The following RFC3 variants were observed in gnomAD, a reference collection of about 807,000 sequenced individuals.
The protein encoded by RFC3 is A1 38 kDa subunit.
RFC3 carries 41 observed loss-of-function variants against 45.1 expected under a neutral mutation model. That is an observed-to-expected ratio of 0.91 (90% CI 0.71 to 1.18). The LOEUF (loss-of-function observed/expected upper bound fraction) is 1.18, where lower values mean the gene tolerates loss of function less well. Among genes scored for constraint, RFC3 ranks in the 50% most tolerant of loss-of-function variants. The pLI, the probability that RFC3 is intolerant of heterozygous loss-of-function variation, is 0.00. For missense variants in RFC3, 423 were observed against 428.1 expected (o/e 0.99, Z 0.10); for synonymous variants, 149 against 144.0 (o/e 1.03, Z -0.25).
chr13:33,921,501 C>T (rs776992835), intron 8 of RFC3, among the ~76,000 whole-genome samples: 2 of 152,170 alleles, frequency 1.3e-5, no homozygotes, highest in Non-Finnish European at 2.9e-5. Context: ...GGAAGGGTCT[C>T]AACCCCTGCA....
At chr13:33,921,631 G>A (rs1024658495) in intron 8 of RFC3, among the ~76,000 whole-genome samples, 2 of 152,060 alleles carry the variant, frequency 1.3e-5, no homozygotes, top group Admixed American at 6.6e-5. Flanking sequence ...ACACCACTGA[G>A]GGTCCCTGAT....
At chr13:33,839,691 T>C (rs546767005), downstream of RFC3, among the ~76,000 whole-genome samples, 5 of 152,352 alleles carry the variant, frequency 3.3e-5, no homozygotes, top group East Asian at 3.8e-4. Flanking sequence ...CATCCACTGA[T>C]TGATTTCTTC....
At chr13:33,940,437 T>C (rs554834493) in intron 8 of RFC3, among the ~76,000 whole-genome samples, 1 of 152,170 alleles carries the variant, frequency 6.6e-6, no homozygotes, top group Non-Finnish European at 1.5e-5. Context: ...AAAATTTGCT[T>C]TATAGCCCAG....
intron 8 of RFC3, among the ~76,000 whole-genome samples, chr13:33,927,531 A>G (rs997999027): frequency 4.6e-5 from 7 of 151,090 alleles, no homozygotes; most frequent in African/African-American, 4.9e-5. Flanking sequence ...TAAGAGGCCA[A>G]CTCTCCTTGT....
chr13:33,872,801 C>CCCCG (rs556281426), intron 8 of RFC3, among the ~76,000 whole-genome samples: 2 of 142,426 alleles, frequency 1.4e-5, no homozygotes, highest in African/African-American at 5.2e-5. Context: ...AACCCCCCCC[C>CCCCG]CCAAAATACA....
intron 8 of RFC3, among the ~76,000 whole-genome samples, chr13:33,898,298 A>G (rs879327869): frequency 6.6e-6 from 1 of 151,946 alleles, no homozygotes; most frequent in African/African-American, 2.4e-5. Context: ...AGTAGAAACC[A>G]TTTCAATCTT....
intron 8 of RFC3, among the ~76,000 whole-genome samples, chr13:33,916,720 A>G (rs935406858): frequency 1.3e-5 from 2 of 150,952 alleles, no homozygotes; most frequent in African/African-American, 5.0e-5. Flanking sequence ...ATGCATGTTT[A>G]TATGCATATA....
At chr13:33,900,911 G>A (rs1475506801) in intron 8 of RFC3, among the ~76,000 whole-genome samples, 1 of 150,794 alleles carries the variant, frequency 6.6e-6, no homozygotes, top group African/African-American at 2.4e-5. Context: ...CTCAGAAGAA[G>A]ACTTTCAAAT....
At chr13:33,947,163 C>T (rs2082959424) in intron 8 of RFC3, among the ~76,000 whole-genome samples, 1 of 152,130 alleles carries the variant, frequency 6.6e-6, no homozygotes, top group South Asian at 2.1e-4. Context: ...TTGTAATAAT[C>T]CCCAAATGTC....
At chr13:33,875,113 G>A (rs1209785784) in intron 8 of RFC3, among the ~76,000 whole-genome samples, 1 of 152,228 alleles carries the variant, frequency 6.6e-6, no homozygotes, top group Non-Finnish European at 1.5e-5. Context: ...TAATTATTGA[G>A]CACCTACTAT....
chr13:33,840,835 C>T (rs1175437535), downstream of RFC3, among the ~76,000 whole-genome samples: 1 of 152,130 alleles, frequency 6.6e-6, no homozygotes, highest in African/African-American at 2.4e-5. Flanking sequence ...TAGTCTGTTT[C>T]ATCATTTACT....
chr13:33,913,790 C>A (rs1449585775), intron 8 of RFC3, among the ~76,000 whole-genome samples: 2 of 152,062 alleles, frequency 1.3e-5, no homozygotes, highest in East Asian at 3.9e-4. Context: ...AGGCAAATAT[C>A]CTTGTTGCCA....
chr13:33,832,988 C>T (rs3135619), intron 7 of RFC3, among the ~76,000 whole-genome samples: 58 of 152,280 alleles, frequency 3.8e-4, no homozygotes, highest in Non-Finnish European at 6.8e-4. Flanking sequence ...CACATTTTGA[C>T]GGCTTATAAA....
chr13:33,880,837 C>G (rs1190993285), intron 8 of RFC3, among the ~76,000 whole-genome samples: 1 of 152,130 alleles, frequency 6.6e-6, no homozygotes, highest in Non-Finnish European at 1.5e-5. Flanking sequence ...GTGGGCAGAT[C>G]ACAAGGTCAG....
chr13:33,948,867 G>A lies in RFC3; in HGVS notation c.880-17220G>A, dbSNP rs1471059790. 3.3e-5 allele frequency among the ~76,000 whole-genome samples: 5 copies of A among 152,202 alleles called. No individual in the cohort carries two copies. In the South Asian group the frequency reaches 8.3e-4, roughly 25 times the overall value. On this transcript the variant is annotated intron_variant, in intron 8 of 8. Coordinates refer to the RFC3 transcript ENST00000434425. ...TTTACTCAGTGCCTGTACCCCCATT[G>A]CATCTAGGAAGTAATTAACTTGCTT...
At chr13:33,920,106 G>A (rs1593692226) in intron 8 of RFC3, among the ~76,000 whole-genome samples, 2 of 152,070 alleles carry the variant, frequency 1.3e-5, no homozygotes, top group East Asian at 3.9e-4. Context: ...CTGGAATTAT[G>A]TGTTTGGATT....
intron 8 of RFC3, among the ~76,000 whole-genome samples, chr13:33,915,952 C>T (rs1266169280): frequency 6.6e-6 from 1 of 152,084 alleles, no homozygotes; most frequent in Non-Finnish European, 1.5e-5. Flanking sequence ...GCGCACTCCA[C>T]CACACCTAGC....
intron 8 of RFC3, among the ~76,000 whole-genome samples, chr13:33,877,248 A>C (rs2082454368): frequency 1.3e-5 from 2 of 152,184 alleles, no homozygotes. Context: ...TATGCGGCCC[A>C]CTGTCTTAGC....
chr13:33,929,687 A>G (rs1470541616), intron 8 of RFC3, among the ~76,000 whole-genome samples: 1 of 152,170 alleles, frequency 6.6e-6, no homozygotes, highest in East Asian at 1.9e-4. Flanking sequence ...TGGTAGATGC[A>G]TGTTTATTAT....
Sources: allele counts gnomAD v4.1 joint callset (sites outside exome capture counted in the v4.1 genomes callset), GRCh38; gene constraint gnomAD v4.1.1; transcripts MANE v1.5; gene names NCBI Gene and HGNC (gene_info 2026-07-23, HGNC 2026-07-21).